The following ATM variants were observed in gnomAD, a reference collection of about 807,000 sequenced individuals.
ATM encodes the protein serine-protein kinase ATM.
A neutral mutation model predicts 387.0 loss-of-function variants in ATM; 308 were observed. The observed-to-expected ratio is 0.80, with a 90% CI of 0.73 to 0.87. ATM has a LOEUF of 0.87. Among genes scored for constraint, ATM ranks in the 40% least tolerant of loss-of-function variants. ATM has a pLI of 0.00. For missense variants in ATM, 3,312 were observed against 3,560.9 expected (o/e 0.93, Z 1.78); for synonymous variants, 1,156 against 1,187.3 (o/e 0.97, Z 0.54).
chr11:108,266,957 A>T (rs968106407), intron 16 of ATM, among the ~76,000 whole-genome samples: 50 of 151,914 alleles, frequency 3.3e-4, no homozygotes, highest in African/African-American at 1.2e-3. Flanking sequence ...CACCACACCC[A>T]GCTAATTTTT....
intron 61 of ATM, among the ~76,000 whole-genome samples, chr11:108,357,084 G>A (rs192481209): frequency 4.5e-4 from 69 of 152,346 alleles, no homozygotes; most frequent in Admixed American, 1.5e-3. Context: ...GTCAGTGGGT[G>A]CACGCACTGT....
At chr11:108,325,971 G>T (rs1208261997) in intron 46 of ATM, 87 bp from the exon 47 acceptor site, 1 of 1,471,882 alleles carries the variant, frequency 6.8e-7, no homozygotes, top group East Asian at 2.3e-5. Context: ...TCAATGAATG[G>T]TAGTTGCTGC....
At chr11:108,332,730 C>T (rs1263381786) in intron 52 of ATM, 32 bp from the exon 53 acceptor site, 1 of 1,602,756 alleles carries the variant, frequency 6.2e-7, no homozygotes, top group East Asian at 2.2e-5. Flanking sequence ...TGGGTAGTTC[C>T]TTATGTAATG....
intron 59 of ATM, 154 bp from the exon 60 acceptor site, chr11:108,353,612 A>C: frequency 3.2e-6 from 2 of 629,492 alleles, no homozygotes; most frequent in Non-Finnish European, 5.7e-6. Context: ...AAGATGAGGA[A>C]GGCAGCCAGA....
intron 6 of ATM, 135 bp downstream of exon 6, chr11:108,244,253 T>TA (rs1203482668): frequency 9.5e-7 from 1 of 1,052,058 alleles, no homozygotes; most frequent in African/African-American, 1.6e-5. Context: ...AGTGGATTCC[T>TA]AAAGAGACAA....
At chr11:108,258,644 A>G (rs2080661334) in intron 15 of ATM, among the ~76,000 whole-genome samples, 2 of 152,210 alleles carry the variant, frequency 1.3e-5, no homozygotes, top group South Asian at 2.1e-4. Context: ...ACATGGCCAT[A>G]TAGCAATATT....
At position 108,297,396 on chromosome 11, in the gene ATM, A is replaced by T. The variant is rs374337879; in HGVS notation, c.5005+14A>T. 9.6e-5 allele frequency: 153 copies of T among 1,594,416 alleles called. No individual in the cohort carries two copies. The highest frequency in any genetic ancestry group is 1.3e-4 in the Non-Finnish European group (153 of 1,162,348). ...AAGAAGTTCTAGGTAAACTACAGTC[A>T]TGCGCTGCGTGACATTTCAGTCAAC... On this transcript the variant is annotated intron_variant, in intron 33 of 62. Coordinates refer to ENST00000675843, the MANE Select transcript of ATM (RefSeq NM_000051.4).
Position 108,248,745 on chromosome 11 carries a change from G to C in ATM, c.1066-188G>C, listed in dbSNP as rs186380405. Among the ~76,000 whole-genome samples the C allele has an allele frequency of 5.1e-4, 77 of 152,050 alleles. 1 individual carries two copies. In the East Asian group the frequency reaches 0.013, roughly 26 times the overall value. On this transcript the variant is annotated intron_variant, in intron 8 of 62. Coordinates refer to ENST00000675843, the MANE Select transcript of ATM (RefSeq NM_000051.4). ...CCCTACTAAAAATACAAAGTTAGCT[G>C]GGCATGGTGGTGCAAGCCTGTAATC...
intron 33 of ATM, among the ~76,000 whole-genome samples, chr11:108,297,656 C>T (rs1427747531): frequency 2.0e-5 from 3 of 151,962 alleles, no homozygotes; most frequent in Non-Finnish European, 4.4e-5. Context: ...ATTGTATTGG[C>T]GGAATGAATG....
chr11:108,351,151 A>G (rs1411133830), intron 59 of ATM, among the ~76,000 whole-genome samples: 1 of 152,234 alleles, frequency 6.6e-6, no homozygotes, highest in East Asian at 1.9e-4. Context: ...CCAACATAAA[A>G]GAGTACACAT....
intron 57 of ATM, among the ~76,000 whole-genome samples, chr11:108,343,680 C>T (rs2087896600): frequency 6.6e-6 from 1 of 152,130 alleles, no homozygotes; most frequent in Admixed American, 6.5e-5. Flanking sequence ...GGCACGATGG[C>T]ATGCACCTGT....
At chr11:108,293,891 AAAAAT>A (rs1377099150) in intron 31 of ATM, among the ~76,000 whole-genome samples, 1,208 of 116,280 alleles carry the variant, frequency 0.01, 8 homozygotes, top group African/African-American at 0.021. Flanking sequence ...AAAAAAAAAA[AAAAAT>A]ATATATATAT....
In ATM at chr11:108,249,061, T is replaced by A. The variant is rs551872656; in HGVS notation, c.1194T>A (p.Asp398Glu). 6.2e-7 allele frequency: 1 copy of A among 1,614,026 alleles called. No individual in the cohort carries two copies. Among genetic ancestry groups the A allele is most frequent in the Non-Finnish European group, 8.5e-7 (1 of 1,179,980 alleles). Residue 398 changes from aspartate (D) to glutamate (E), a missense_variant, in exon 9 of 63, where the codon GAT becomes GAA. Around this residue, in one of 4 missense-constraint regions of ATM, gnomAD observed 1,791 missense variants for 1,804.5 expected, o/e 0.99. Coordinates refer to ENST00000675843, the MANE Select transcript of ATM (RefSeq NM_000051.4). The stretch of plus-strand genomic sequence containing the variant: ...AACTAGGCTGGGAAGTAATAAAAGA[T>A]CACCTTCAGAAGTCACAGAATGATT... ...KIELGWEVIK[D>E]HLQKSQNDFD...
chr11:108,284,848 C>CTTTTCAAGAAAAACAACCGTCCCTCA (rs2082409291), intron 26 of ATM, among the ~76,000 whole-genome samples: 2 of 152,200 alleles, frequency 1.3e-5, no homozygotes, highest in Non-Finnish European at 2.9e-5. Context: ...AAGCTTTCCA[C>CTTTTCAAGAAAAACAACCGTCCCTCA]TTTTCAAGAA....
intron 43 of ATM, 53 bp from the exon 44 acceptor site, chr11:108,319,899 GTA>G: frequency 1.6e-6 from 2 of 1,254,718 alleles, no homozygotes; most frequent in South Asian, 2.4e-5. Flanking sequence ...ATTTATACAT[GTA>G]TATCTTAGGG....
intron 7 of ATM, 92 bp downstream of exon 7, chr11:108,245,118 C>A: frequency 9.8e-7 from 1 of 1,017,614 alleles, no homozygotes; most frequent in Non-Finnish European, 1.5e-6. Context: ...GAGGATATGA[C>A]TTTCCTCTGG....
rs758351633 is a variant in ATM at position 108,329,160 on chromosome 11, T to A, written c.7229T>A (p.Phe2410Tyr). The A allele has an allele frequency of 6.2e-7, 1 of 1,614,044 alleles. No homozygotes were observed. The highest frequency in any genetic ancestry group is 1.7e-5 in the Admixed American group (1 of 60,006). Residue 2410 changes from phenylalanine to tyrosine, a missense_variant, in exon 49 of 63, where the codon TTT (phenylalanine) becomes TAT (tyrosine). Coordinates refer to ENST00000675843, the MANE Select transcript of ATM (RefSeq NM_000051.4). ...RIENYMKSSEFENKQALLKRA... is the reference protein window; with the variant it reads ...RIENYMKSSEYENKQALLKRA... ...GAAAACTACATGAAATCATCGGAATTTGAAAACAAGCAAGCTCTCCTGAAA... is the reference window on the plus strand; with the variant it reads ...GAAAACTACATGAAATCATCGGAATATGAAAACAAGCAAGCTCTCCTGAAA...
intron 5 of ATM, among the ~76,000 whole-genome samples, chr11:108,237,899 GTTTTTT>G (rs369161623): frequency 0.12 from 11,279 of 92,268 alleles, 570 homozygotes; most frequent in African/African-American, 0.22. Flanking sequence ...ATTTACTTAG[GTTTTTT>G]TTTTTTTTTT....
intron 59 of ATM, among the ~76,000 whole-genome samples, chr11:108,353,205 A>G (rs2089422595): frequency 6.6e-6 from 1 of 151,878 alleles, no homozygotes; most frequent in South Asian, 2.1e-4. Context: ...CTGGAGTGCA[A>G]TGGCACGATC....
Sources: gnomAD v4.1 joint callset for allele counts (sites outside exome capture counted in the v4.1 genomes callset) on GRCh38, gnomAD v4.1.1 for gene constraint, gnomAD v4.1.1 regional missense constraint, MANE v1.5 for transcripts, NCBI Gene and HGNC (gene_info 2026-07-23, HGNC 2026-07-21) for gene names.